SPMIP2: variants seen among roughly 807,000 people sequenced by gnomAD.
The protein encoded by SPMIP2 is protein SPMIP2.
the SPMIP2 span, among the ~76,000 whole-genome samples, chr4:158,920,743 T>C: frequency 6.6e-6 from 1 of 152,246 alleles, no homozygotes; most frequent in Non-Finnish European, 1.5e-5. Context: ...GCTTTTGCCC[T>C]TTGCCTTGTG....
the SPMIP2 span, among the ~76,000 whole-genome samples, chr4:158,974,539 T>C: frequency 6.6e-6 from 1 of 151,976 alleles, no homozygotes; most frequent in Admixed American, 6.6e-5. Context: ...CTCCCACTTA[T>C]GAGGGAGGAC....
At chr4:159,032,597 C>T in the SPMIP2 span, among the ~76,000 whole-genome samples, 2 of 152,112 alleles carry the variant, frequency 1.3e-5, no homozygotes, top group Non-Finnish European at 2.9e-5. Flanking sequence ...GACTCTTGCA[C>T]AGTTCCAAAT....
At chr4:158,992,594 GAC>G in the SPMIP2 span, among the ~76,000 whole-genome samples, 1 of 152,152 alleles carries the variant, frequency 6.6e-6, no homozygotes, top group Non-Finnish European at 1.5e-5. Flanking sequence ...AAATACCCGA[GAC>G]TAAGTAACTT....
At chr4:159,071,829 G>T in the SPMIP2 span, among the ~76,000 whole-genome samples, 3 of 152,158 alleles carry the variant, frequency 2.0e-5, no homozygotes, top group African/African-American at 4.8e-5. Context: ...ATCCTGGGTT[G>T]CAGGTTGGAA....
At chr4:158,976,059 C>A in the SPMIP2 span, among the ~76,000 whole-genome samples, 1 of 152,138 alleles carries the variant, frequency 6.6e-6, no homozygotes, top group Non-Finnish European at 1.5e-5. Flanking sequence ...CTCTTTGTAG[C>A]AATTGTGACT....
chr4:159,057,726 A>G, the SPMIP2 span, among the ~76,000 whole-genome samples: 1 of 152,262 alleles, frequency 6.6e-6, no homozygotes, highest in African/African-American at 2.4e-5. Context: ...GAAAAACATC[A>G]GCAACGTGTC....
At chr4:159,046,515 T>C in the SPMIP2 span, among the ~76,000 whole-genome samples, 102 of 152,314 alleles carry the variant, frequency 6.7e-4, no homozygotes, top group Middle Eastern at 3.4e-3. Context: ...TGTTAAATAT[T>C]GAACTTTCAG....
the SPMIP2 span, among the ~76,000 whole-genome samples, chr4:159,031,615 ATGATAG>A: frequency 1.3e-5 from 2 of 152,254 alleles, no homozygotes; most frequent in African/African-American, 4.8e-5. Context: ...ATGATGCCAA[ATGATAG>A]TTATTAATTT....
At chr4:158,964,562 A>C in the SPMIP2 span, among the ~76,000 whole-genome samples, 3 of 152,184 alleles carry the variant, frequency 2.0e-5, no homozygotes, top group African/African-American at 7.2e-5. Flanking sequence ...GAGGCATTAT[A>C]AAAAATGGCA....
the SPMIP2 span, among the ~76,000 whole-genome samples, chr4:159,037,423 G>C: frequency 6.7e-6 from 1 of 149,594 alleles, no homozygotes. Flanking sequence ...TTTTATCCTT[G>C]TTACCTCCTG....
the SPMIP2 span, among the ~76,000 whole-genome samples, chr4:159,012,578 TA>T: frequency 2.1e-4 from 1 of 4,860 alleles, no homozygotes; most frequent in Non-Finnish European, 9.2e-4. Context: ...TATGTTGAAA[TA>T]ATTTTTTTTT....
the SPMIP2 span, among the ~76,000 whole-genome samples, chr4:159,048,836 CT>C: frequency 1.3e-5 from 2 of 148,372 alleles, no homozygotes; most frequent in Non-Finnish European, 3.0e-5. Context: ...CCAGACTTAG[CT>C]GGCATTACAG....
the SPMIP2 span, among the ~76,000 whole-genome samples, chr4:158,992,540 A>C: frequency 9.8e-3 from 1,391 of 141,804 alleles, 15 homozygotes; most frequent in South Asian, 0.036. Context: ...GCTTTTGAAA[A>C]AAGCCATTAC....
chr4:158,993,616 C>T, the SPMIP2 span, among the ~76,000 whole-genome samples: 3 of 152,122 alleles, frequency 2.0e-5, no homozygotes, highest in East Asian at 5.8e-4. Flanking sequence ...TACTACATGT[C>T]AGGCACTCTT....
the SPMIP2 span, among the ~76,000 whole-genome samples, chr4:158,993,255 T>C: frequency 6.6e-6 from 1 of 151,886 alleles, no homozygotes; most frequent in Non-Finnish European, 1.5e-5. Flanking sequence ...TAGTCCCAGC[T>C]CCTCAGGAGG....
the SPMIP2 span, among the ~76,000 whole-genome samples, chr4:158,943,472 T>C: frequency 1.3e-5 from 2 of 152,204 alleles, no homozygotes; most frequent in Non-Finnish European, 2.9e-5. Context: ...TCTCATCAGT[T>C]CTCTATAGGA....
At chr4:158,962,559 A>G in the SPMIP2 span, among the ~76,000 whole-genome samples, 11 of 152,128 alleles carry the variant, frequency 7.2e-5, no homozygotes, top group Admixed American at 3.3e-4. Context: ...ATCTTTTCTT[A>G]TGCTAATGTA....
the SPMIP2 span, among the ~76,000 whole-genome samples, chr4:159,032,995 T>C: frequency 6.6e-6 from 1 of 152,168 alleles, no homozygotes; most frequent in Non-Finnish European, 1.5e-5. Context: ...AGGCTGCACA[T>C]AAATGTACAT....
chr4:159,080,801 G>A, the SPMIP2 span, among the ~76,000 whole-genome samples: 1 of 152,136 alleles, frequency 6.6e-6, no homozygotes, highest in African/African-American at 2.4e-5. Flanking sequence ...TCGGCTCACT[G>A]CAAGCTCCAC....
Sources: gnomAD v4.1 joint callset for allele counts (sites outside exome capture counted in the v4.1 genomes callset) on GRCh38, gnomAD v4.1.1 for gene constraint, MANE v1.5 for transcripts, NCBI Gene and HGNC (gene_info 2026-07-23, HGNC 2026-07-21) for gene names.